Variants in ZFPM2 observed in about 807,000 individuals in gnomAD.
The protein encoded by ZFPM2 is zinc finger protein ZFPM2.
ZFPM2 carries 20 observed loss-of-function variants against 98.6 expected under a neutral mutation model. That is an observed-to-expected ratio of 0.20 (90% confidence interval 0.14 to 0.29). The LOEUF (loss-of-function observed/expected upper bound fraction) is 0.29. Ranked by LOEUF, ZFPM2 falls within the 10% of genes least tolerant of loss-of-function variation. The probability of loss-of-function intolerance (pLI) is 1.00; values close to 1 mark genes in which losing one functional copy is unlikely to be tolerated. For missense variants in ZFPM2, 1,310 were observed against 1,388.6 expected, an observed-to-expected ratio of 0.94 and a Z score of 0.90; for synonymous variants, 518 against 502.7, an observed-to-expected ratio of 1.03 and a Z score of -0.41.
intron 5 of ZFPM2, chr8:105,787,531 A>G (rs1224237764): frequency 6.6e-6 from 1 of 152,220 alleles, no homozygotes; most frequent in Non-Finnish European, 1.5e-5. Context: ...CAACTCTGCC[A>G]TATCATATAC....
chr8:105,579,004 A>G (rs952904268), intron 4 of ZFPM2, among the ~76,000 whole-genome samples: 1 of 152,164 alleles, frequency 6.6e-6, no homozygotes, highest in Non-Finnish European at 1.5e-5. Context: ...AATCATAAGT[A>G]AACCTTCTGT....
intron 5 of ZFPM2, among the ~76,000 whole-genome samples, chr8:105,743,384 A>T (rs1361424328): frequency 5.3e-5 from 8 of 151,972 alleles, no homozygotes; most frequent in Non-Finnish European, 7.4e-5. Context: ...GAATTTTTTT[A>T]AAAAAGAGAG....
chr8:105,765,054 C>A (rs1265944981), intron 5 of ZFPM2, among the ~76,000 whole-genome samples: 1 of 151,746 alleles, frequency 6.6e-6, no homozygotes, highest in Non-Finnish European at 1.5e-5. Flanking sequence ...GGTCAGTGTA[C>A]AATATGTCAC....
intron 3 of ZFPM2, among the ~76,000 whole-genome samples, chr8:105,542,858 A>G (rs747906928): frequency 3.9e-5 from 6 of 152,194 alleles, no homozygotes; most frequent in Non-Finnish European, 7.3e-5. Context: ...CATTTATGCC[A>G]TATACCTATC....
intron 5 of ZFPM2, among the ~76,000 whole-genome samples, chr8:105,687,914 AT>A (rs1490228503): frequency 6.6e-6 from 1 of 152,076 alleles, no homozygotes; most frequent in Non-Finnish European, 1.5e-5. Flanking sequence ...TTGAATATAA[AT>A]TTTTAAGCTC....
chr8:105,575,171 G>A (rs1480262011), intron 4 of ZFPM2, among the ~76,000 whole-genome samples: 3 of 152,134 alleles, frequency 2.0e-5, no homozygotes, highest in Non-Finnish European at 4.4e-5. Flanking sequence ...GGAAGAGTGC[G>A]TGATGAAAGT....
At chr8:105,724,924 A>G (rs908438512) in intron 5 of ZFPM2, among the ~76,000 whole-genome samples, 7 of 151,630 alleles carry the variant, frequency 4.6e-5, no homozygotes, top group African/African-American at 1.7e-4. Flanking sequence ...ATTTTTTTCT[A>G]TATATTTATT....
rs1395949901 is a variant in ZFPM2 at position 105,330,038 on chromosome 8, C to T, written c.40+11057C>T. Among the ~76,000 whole-genome samples, 6 of 151,582 alleles carry T rather than the reference C, an allele frequency of 4.0e-5. No individual in the cohort carries two copies. In the East Asian group the frequency reaches 1.2e-3, roughly 30 times the overall value. ...GAACATAATTAACAGGATAAATGTTCTTGGAAAGAAAGGAGGAAGGCAAGC... is the reference window on the plus strand; with the variant it reads ...GAACATAATTAACAGGATAAATGTTTTTGGAAAGAAAGGAGGAAGGCAAGC... On this transcript the variant is annotated intron_variant, in intron 1 of 7. Coordinates refer to ENST00000407775, the MANE Select transcript of ZFPM2 (RefSeq NM_012082.4).
intron 2 of ZFPM2, among the ~76,000 whole-genome samples, chr8:105,425,707 G>A (rs376785703): frequency 6.6e-6 from 1 of 152,134 alleles, no homozygotes; most frequent in African/African-American, 2.4e-5. Flanking sequence ...AATAACAGAG[G>A]AAAAGCCATA....
At chr8:105,342,642 A>G (rs914976364) in intron 1 of ZFPM2, among the ~76,000 whole-genome samples, 2 of 152,016 alleles carry the variant, frequency 1.3e-5, no homozygotes, top group African/African-American at 4.8e-5. Flanking sequence ...CTTAACTTAT[A>G]TTTACTTTAA....
chr8:105,642,494 A>G (rs1816966042), intron 5 of ZFPM2, among the ~76,000 whole-genome samples: 1 of 152,150 alleles, frequency 6.6e-6, no homozygotes, highest in Non-Finnish European at 1.5e-5. Context: ...TACACAACCC[A>G]ACTAAAACAA....
chr8:105,341,598 A>G (rs1382125113), intron 1 of ZFPM2, among the ~76,000 whole-genome samples: 1 of 151,890 alleles, frequency 6.6e-6, no homozygotes, highest in Non-Finnish European at 1.5e-5. Flanking sequence ...CTCATTTTAT[A>G]TATATATGTA....
chr8:105,441,774 C>T (rs112092880), intron 2 of ZFPM2, among the ~76,000 whole-genome samples: 3 of 152,158 alleles, frequency 2.0e-5, no homozygotes, highest in South Asian at 2.1e-4. Context: ...CCAATCCAAA[C>T]GGATACCATA....
chr8:105,614,436 T>C (rs1197032192), intron 4 of ZFPM2, among the ~76,000 whole-genome samples: 8 of 152,276 alleles, frequency 5.3e-5, no homozygotes, highest in Admixed American at 1.3e-4. Flanking sequence ...TAGTCATATT[T>C]TGTCTTCTGT....
intron 5 of ZFPM2, chr8:105,662,517 C>CA (rs1383045032): frequency 1.3e-5 from 2 of 150,744 alleles, no homozygotes; most frequent in Non-Finnish European, 3.0e-5. Flanking sequence ...TCTGGCAGTC[C>CA]TTTTTTTTTC....
At chr8:105,423,688 C>G (rs1173984287) in intron 2 of ZFPM2, among the ~76,000 whole-genome samples, 4 of 152,078 alleles carry the variant, frequency 2.6e-5, no homozygotes, top group African/African-American at 9.7e-5. Context: ...GGAAGTACAT[C>G]AGTATATTTG....
At chr8:105,702,485 C>T (rs530142396) in intron 5 of ZFPM2, among the ~76,000 whole-genome samples, 1 of 152,344 alleles carries the variant, frequency 6.6e-6, no homozygotes, top group East Asian at 1.9e-4. Context: ...TCTACCTTTT[C>T]TTCCAAAGCA....
At chr8:105,386,776 G>A (rs1424305885) in intron 1 of ZFPM2, among the ~76,000 whole-genome samples, 1 of 152,134 alleles carries the variant, frequency 6.6e-6, no homozygotes, top group Non-Finnish European at 1.5e-5. Flanking sequence ...ACAGAGAGCT[G>A]ATTGGTCCGT....
intron 1 of ZFPM2, among the ~76,000 whole-genome samples, chr8:105,383,406 C>G (rs1195134406): frequency 6.6e-6 from 1 of 152,100 alleles, no homozygotes. Context: ...GCATGACTGT[C>G]CAGCAGCCGA....
Sources: gnomAD v4.1 joint callset for allele counts (sites outside exome capture counted in the v4.1 genomes callset) on GRCh38, gnomAD v4.1.1 for gene constraint, MANE v1.5 for transcripts, NCBI Gene and HGNC (gene_info 2026-07-23, HGNC 2026-07-21) for gene names.